SI: variants seen among roughly 807,000 people sequenced by gnomAD.
SI encodes the protein sucrase-isomaltase, intestinal.
A neutral mutation model predicts 253.3 loss-of-function variants in SI; 235 were observed. The ratio of observed to expected loss-of-function variants is 0.93; its 90% CI spans 0.83 to 1.03. The LOEUF is 1.03. Among genes scored for constraint, SI ranks in the 50% least tolerant of loss-of-function variants. The pLI, the probability that SI is intolerant of heterozygous loss-of-function variation, is 0.00. For missense variants in SI, 2,442 were observed against 2,211.1 expected (o/e 1.10, Z -2.09); for synonymous variants, 819 against 712.0 (o/e 1.15, Z -2.39).
chr3:165,023,476 C>T (rs772125728), intron 26 of SI, 94 bp downstream of exon 26: 25 of 896,944 alleles, frequency 2.8e-5, no homozygotes, highest in Non-Finnish European at 3.8e-5. Context: ...CTGTTAATAA[C>T]CTTTAATATT....
At chr3:165,075,726 A>G (rs751244931) in intron 2 of SI, among the ~76,000 whole-genome samples, 169 bp downstream of exon 2, 13 of 151,992 alleles carry the variant, frequency 8.6e-5, no homozygotes, top group Non-Finnish European at 1.5e-4. Context: ...CATCATTGAA[A>G]TATGGAATAT....
At chr3:165,013,400 C>T (rs1039813613) in intron 33 of SI, among the ~76,000 whole-genome samples, 13 of 151,692 alleles carry the variant, frequency 8.6e-5, no homozygotes, top group Admixed American at 8.5e-4. Context: ...AGAATTACTC[C>T]AGGGTTAAAA....
chr3:165,054,695 G>C (rs991480782), intron 13 of SI, among the ~76,000 whole-genome samples: 2 of 152,050 alleles, frequency 1.3e-5, no homozygotes, highest in Non-Finnish European at 2.9e-5. Flanking sequence ...CTAGGATTCT[G>C]TTTGTTGCTT....
intron 31 of SI, among the ~76,000 whole-genome samples, chr3:165,016,886 C>A (rs1719057827): frequency 6.6e-6 from 1 of 151,786 alleles, no homozygotes; most frequent in Non-Finnish European, 1.5e-5. Context: ...TATTCAGGAA[C>A]TCTATATTGG....
chr3:165,066,076 T>C (rs1714231207), intron 6 of SI, among the ~76,000 whole-genome samples: 1 of 151,926 alleles, frequency 6.6e-6, no homozygotes, highest in Non-Finnish European at 1.5e-5. Flanking sequence ...AAGAAAAGAA[T>C]GGTGCATCTA....
intron 25 of SI, among the ~76,000 whole-genome samples, chr3:165,024,613 C>T (rs1421902378): frequency 1.3e-5 from 2 of 151,052 alleles, no homozygotes; most frequent in Non-Finnish European, 3.0e-5. Context: ...TCTGTGTACC[C>T]TATCCCAGGC....
chr3:165,049,735 C>T, intron 14 of SI, 56 bp downstream of exon 14: 1 of 987,954 alleles, frequency 1.0e-6, no homozygotes, highest in Admixed American at 1.7e-5. Flanking sequence ...AATTACTAGT[C>T]AACTACAAAA....
chr3:165,088,096 AG>A, the SI span, among the ~76,000 whole-genome samples: 22 of 152,216 alleles, frequency 1.4e-4, no homozygotes, highest in African/African-American at 4.8e-4. Context: ...CTGTAATCCC[AG>A]CACTTTGGGA....
At chr3:165,056,742 C>T (rs1233192777) in intron 12 of SI, among the ~76,000 whole-genome samples, 1 of 152,114 alleles carries the variant, frequency 6.6e-6, no homozygotes, top group Non-Finnish European at 1.5e-5. Context: ...GGCTATGAGT[C>T]TGCAAGAGCC....
At position 164,992,381 on chromosome 3, in the gene SI, G is replaced by T. The variant is rs372177010; in HGVS notation, c.4858C>A (p.Pro1620Thr). The change falls in exon 42 of 48, where the codon CCA becomes ACA. Residue 1620 changes from proline to threonine, a missense_variant. Transcript: ENST00000264382. ...AACTGCTTGAATATATCCCAGGTTG[G>T]TTTTTCATCAAAGAACCTCGACAAA... Reference protein sequence around the residue: ...PLLHEFFDEKPTWDIFKQFLW... With the variant: ...PLLHEFFDEKTTWDIFKQFLW... 3 of 1,610,338 alleles carry T rather than the reference G, an allele frequency of 1.9e-6. No homozygotes were observed. Among genetic ancestry groups the T allele is most frequent in the Non-Finnish European group, 2.5e-6 (3 of 1,178,334 alleles).
the SI span, among the ~76,000 whole-genome samples, chr3:165,089,320 G>C: frequency 6.6e-6 from 1 of 152,134 alleles, no homozygotes; most frequent in African/African-American, 2.4e-5. Context: ...GATGTTGGGA[G>C]AGAGGGTTAA....
chr3:165,009,442 A>G (rs1718667610), intron 34 of SI, 47 bp from the exon 35 acceptor site: 1 of 958,526 alleles, frequency 1.0e-6, no homozygotes, highest in African/African-American at 1.6e-5. Flanking sequence ...CTTAAGAGAG[A>G]TTATATACAT....
Position 165,036,430 on chromosome 3 carries a change from G to C in SI, c.2474C>G (p.Thr825Arg). The change falls in exon 22 of 48, where the codon ACA becomes AGA. Residue 825 changes from threonine (T) to arginine (R), a missense_variant. Coordinates refer to ENST00000264382, the MANE Select transcript of SI (RefSeq NM_001041.4). ...ATCCCAGAAAAAGTCTCCTTTGGCT[G>C]TGTTGTTTTCACCTAATGCGACTAT... ...GLIVALGENN[T>R]AKGDFFWDDG... 6.2e-7 allele frequency: 1 copy of C among 1,611,630 alleles called. No individual in the cohort carries two copies. Among genetic ancestry groups the C allele is most frequent in the Admixed American group, 1.7e-5 (1 of 59,772 alleles).
intron 34 of SI, among the ~76,000 whole-genome samples, chr3:165,010,152 A>G (rs1576882926): frequency 6.6e-6 from 1 of 151,998 alleles, no homozygotes; most frequent in Admixed American, 6.6e-5. Flanking sequence ...TACAAAATAC[A>G]TATGATGGAT....
Position 165,067,408 on chromosome 3 carries a change from C to A in SI, c.567G>T (p.Leu189Phe), listed in dbSNP as rs76463353. ...GGTTTTGGGCAACCTTCACATCATA[C>A]AACGTATCAGAAACTGTGGGTCCAG... ...EFTGPTVSDTLYDVKVAQNPF... is the reference protein window; with the variant it reads ...EFTGPTVSDTFYDVKVAQNPF... Residue 189 changes from leucine to phenylalanine, a missense_variant, in exon 6 of 48, where the codon TTG becomes TTT. Coordinates refer to ENST00000264382, the MANE Select transcript of SI (RefSeq NM_001041.4). The A allele has an allele frequency of 3.1e-6, 5 of 1,612,420 alleles. No homozygotes were observed. The African/African-American group carries it at 6.7e-5, about 22-fold the overall frequency.
intron 7 of SI, among the ~76,000 whole-genome samples, chr3:165,064,851 G>C (rs1714159532): frequency 6.6e-6 from 1 of 152,086 alleles, no homozygotes; most frequent in Admixed American, 6.6e-5. Flanking sequence ...TTATAGAACA[G>C]TAAGAAGGAC....
In SI at chr3:165,032,598, A is replaced by G. The variant is rs146647167; in HGVS notation, c.2660T>C (p.Val887Ala). The G allele has an allele frequency of 6.2e-6, 10 of 1,609,296 alleles. No individual in the cohort carries two copies. Among genetic ancestry groups the G allele is most frequent in the Non-Finnish European group, 7.6e-6 (9 of 1,176,828 alleles). Residue 887 changes from valine (V) to alanine (A), a missense_variant, in exon 24 of 48, where the codon GTT (valine) becomes GCT (alanine). Physicochemically the swap from Val to Ala is moderately conservative, Grantham distance 64. Coordinates refer to ENST00000264382, the MANE Select transcript of SI (RefSeq NM_001041.4). The part of the protein sequence containing the change: ...TVKILGLTDS[V>A]TEVRVAENNQ... ...ATTTTCCGCCACTCTAACTTCTGTA[A>G]CACTGTCTGTCAACCCAAGGATTTT...
At chr3:165,058,403 A>T (rs1051686968) in intron 12 of SI, among the ~76,000 whole-genome samples, 9 of 151,748 alleles carry the variant, frequency 5.9e-5, no homozygotes, top group African/African-American at 2.2e-4. Context: ...AGCAAACCAA[A>T]CCCTAAATTA....
intron 34 of SI, among the ~76,000 whole-genome samples, chr3:165,012,451 TG>T (rs779287843): frequency 4.5e-4 from 69 of 152,130 alleles, no homozygotes; most frequent in Non-Finnish European, 8.1e-4. Flanking sequence ...TTTTTTGAGA[TG>T]GAGTCTCGCT....
Sources: gnomAD v4.1 joint callset for allele counts (sites outside exome capture counted in the v4.1 genomes callset) on GRCh38, gnomAD v4.1.1 for gene constraint, MANE v1.5 for transcripts, NCBI Gene and HGNC (gene_info 2026-07-23, HGNC 2026-07-21) for gene names.